NLRP11: variants seen among roughly 807,000 people sequenced by gnomAD.
The protein encoded by NLRP11 is NACHT, LRR and PYD domains-containing protein 11.
A neutral mutation model predicts 79.3 loss-of-function variants in NLRP11; 53 were observed. The observed-to-expected ratio is 0.67, with a 90% CI of 0.54 to 0.84. NLRP11 has a LOEUF of 0.84. Ranked by LOEUF, NLRP11 falls within the 40% of genes least tolerant of loss-of-function variation. The pLI is 0.00. For missense variants in NLRP11, 1,264 were observed against 1,255.0 expected (o/e 1.01, Z -0.11); for synonymous variants, 518 against 462.6 (o/e 1.12, Z -1.54).
intron 6 of NLRP11, among the ~76,000 whole-genome samples, chr19:55,793,473 C>T (rs1978481189): frequency 7.4e-6 from 1 of 134,594 alleles, no homozygotes; most frequent in South Asian, 2.3e-4. Context: ...GAGGCTGAGG[C>T]AGGAGAACTG....
exon 3 of NLRP11, chr19:55,810,220 G>A (rs1366344449): frequency 1.9e-6 from 3 of 1,614,012 alleles, no homozygotes; most frequent in Middle Eastern, 1.6e-4. Flanking sequence ...ATTGAAGTAT[G>A]TAGAACACAT....
upstream of NLRP11, among the ~76,000 whole-genome samples, chr19:55,833,398 T>C (rs184285627): frequency 2.2e-4 from 33 of 152,016 alleles, no homozygotes; most frequent in African/African-American, 7.5e-4. Context: ...AGCACATAGG[T>C]GGGTGGGAGG....
intron 7 of NLRP11, among the ~76,000 whole-genome samples, chr19:55,789,794 CCAA>C (rs1261057462): frequency 1.3e-5 from 2 of 152,306 alleles, no homozygotes; most frequent in Non-Finnish European, 2.9e-5. Context: ...ATGTCAAAAT[CCAA>C]CATCGAGAAG....
chr19:55,795,600 T>C (rs10421149), intron 6 of NLRP11, among the ~76,000 whole-genome samples: 37,844 of 151,968 alleles, frequency 0.25, 5,208 homozygotes, highest in Admixed American at 0.32. Context: ...AGCAAGTCTC[T>C]TGCCTCAGCC....
exon 10 of NLRP11, chr19:55,785,859 A>C (rs1399878989): frequency 6.2e-7 from 1 of 1,612,154 alleles, no homozygotes; most frequent in Non-Finnish European, 8.5e-7. Flanking sequence ...TGTTCAGGCC[A>C]GTTAATGGAA....
At chr19:55,819,794 G>C (rs968429358) in intron 1 of NLRP11, among the ~76,000 whole-genome samples, 1 of 152,156 alleles carries the variant, frequency 6.6e-6, no homozygotes, top group African/African-American at 2.4e-5. Flanking sequence ...CGCCAGTGAA[G>C]CTGATAAGAT....
At chr19:55,817,056 T>G (rs1272755335) in intron 2 of NLRP11, among the ~76,000 whole-genome samples, 1 of 151,972 alleles carries the variant, frequency 6.6e-6, no homozygotes, top group Non-Finnish European at 1.5e-5. Context: ...TATCTGATAG[T>G]CCTTGAAAAA....
chr19:55,788,722 A>G (rs560463640), intron 9 of NLRP11, 85 bp downstream of exon 9: 2 of 972,650 alleles, frequency 2.1e-6, no homozygotes, highest in East Asian at 3.0e-5. Context: ...CCTGGGCAAC[A>G]GAGTGAGACT....
intron 6 of NLRP11, among the ~76,000 whole-genome samples, chr19:55,795,740 G>T (rs528556083): frequency 1.3e-5 from 2 of 151,916 alleles, no homozygotes; most frequent in Non-Finnish European, 2.9e-5. Context: ...CGCCTGCCTC[G>T]GCCTCCCAAA....
upstream of NLRP11, chr19:55,836,574 C>A (rs1462313995): frequency 6.6e-6 from 1 of 152,396 alleles, no homozygotes; most frequent in Admixed American, 6.5e-5. Flanking sequence ...TGAGTCAGCG[C>A]TTCGTGCTGG....
chr19:55,804,462 G>C (rs1166658053), intron 4 of NLRP11, among the ~76,000 whole-genome samples: 1 of 151,348 alleles, frequency 6.6e-6, no homozygotes, highest in Non-Finnish European at 1.5e-5. Flanking sequence ...GGCGGGGGCA[G>C]GAATATGGAG....
chr19:55,807,764 G>A (rs1259411359), intron 4 of NLRP11, 89 bp downstream of exon 4: 1 of 867,210 alleles, frequency 1.2e-6, no homozygotes, highest in South Asian at 1.9e-5. Flanking sequence ...CTGAAAGTGT[G>A]TTTTGTATAT....
At chr19:55,812,853 G>A (rs905271599) in intron 2 of NLRP11, among the ~76,000 whole-genome samples, 5 of 152,120 alleles carry the variant, frequency 3.3e-5, no homozygotes, top group African/African-American at 9.6e-5. Context: ...CTTTTATGAT[G>A]AGCAAAACCA....
At chr19:55,808,631 T>C in intron 3 of NLRP11, 138 bp downstream of exon 3, 1 of 768,620 alleles carries the variant, frequency 1.3e-6, no homozygotes, top group Admixed American at 2.4e-5. Context: ...GAGATTTAAG[T>C]CACTGGTCTA....
intron 1 of NLRP11, 58 bp downstream of exon 1, chr19:55,831,905 C>T (rs1460145896): frequency 6.6e-6 from 1 of 152,088 alleles, no homozygotes; most frequent in Non-Finnish European, 1.5e-5. Context: ...ACCAATGTAA[C>T]ATAATAAAAA....
At chr19:55,791,212 T>G (rs1341682742) in intron 7 of NLRP11, among the ~76,000 whole-genome samples, 1 of 152,022 alleles carries the variant, frequency 6.6e-6, no homozygotes, top group Non-Finnish European at 1.5e-5. Flanking sequence ...TAGAAAAAGG[T>G]TTCTAACCCC....
At chr19:55,792,502 G>A (rs1978367619) in intron 6 of NLRP11, 31 bp from the exon 7 acceptor site, 1 of 1,602,944 alleles carries the variant, frequency 6.2e-7, no homozygotes, top group Non-Finnish European at 8.5e-7. Flanking sequence ...GTCAGTGACA[G>A]TGTGAGCACC....
chr19:55,827,525 G>T (rs1982349656), intron 1 of NLRP11, among the ~76,000 whole-genome samples: 1 of 149,748 alleles, frequency 6.7e-6, no homozygotes, highest in African/African-American at 2.5e-5. Flanking sequence ...ATCTGACAAA[G>T]GGCTAATATC....
intron 6 of NLRP11, 90 bp from the exon 7 acceptor site, chr19:55,792,561 G>T (rs1327457184): frequency 2.1e-6 from 2 of 955,658 alleles, no homozygotes; most frequent in Non-Finnish European, 3.3e-6. Context: ...CGGGCGCCTC[G>T]ATGCCTTCTA....
Sources: allele counts gnomAD v4.1 joint callset (sites outside exome capture counted in the v4.1 genomes callset), GRCh38; gene constraint gnomAD v4.1.1; transcripts MANE v1.5; gene names NCBI Gene and HGNC (gene_info 2026-07-23, HGNC 2026-07-21).